PRPSAP2: variants seen among roughly 807,000 people sequenced by gnomAD.
PRPSAP2 encodes the protein phosphoribosyl pyrophosphate synthetase associated protein 2, also known as phosphoribosyl pyrophosphate synthase-associated protein 2.
In PRPSAP2, 24 loss-of-function variants were observed where a neutral mutation model predicts 40.6. The observed-to-expected ratio is 0.59, with a 90% CI of 0.43 to 0.83. PRPSAP2 has a LOEUF of 0.83. Among genes scored for constraint, PRPSAP2 ranks in the 40% least tolerant of loss-of-function variants. The probability of loss-of-function intolerance (pLI) is 0.00; values close to 1 mark genes in which losing one functional copy is unlikely to be tolerated. For missense variants in PRPSAP2, 292 were observed against 465.6 expected, an observed-to-expected ratio of 0.63 and a Z score of 3.43; for synonymous variants, 149 against 164.7, an observed-to-expected ratio of 0.90 and a Z score of 0.73.
intron 10 of PRPSAP2, among the ~76,000 whole-genome samples, 196 bp downstream of exon 10, chr17:18,924,180 C>T (rs2041845926): frequency 6.6e-6 from 1 of 152,272 alleles, no homozygotes; most frequent in South Asian, 2.1e-4. Flanking sequence ...GCTGGAATTA[C>T]AGGTGCCTGC....
intron 4 of PRPSAP2, among the ~76,000 whole-genome samples, chr17:18,872,327 T>C: frequency 6.6e-6 from 1 of 152,032 alleles, no homozygotes; most frequent in Non-Finnish European, 1.5e-5. Context: ...CTCAACTGTT[T>C]GTATATATAA....
At chr17:18,881,693 A>G (rs1402790802) in intron 6 of PRPSAP2, among the ~76,000 whole-genome samples, 2 of 151,656 alleles carry the variant, frequency 1.3e-5, no homozygotes, top group Admixed American at 6.6e-5. Context: ...GTGCGCCACC[A>G]TGCCTGGCTA....
At chr17:18,904,605 T>G (rs942421397) in intron 8 of PRPSAP2, 1 of 152,248 alleles carries the variant, frequency 6.6e-6, no homozygotes, top group Non-Finnish European at 1.5e-5. Context: ...ATCCTGAAGT[T>G]ATTGATGAAT....
chr17:18,861,066 G>A (rs1252579254), intron 1 of PRPSAP2, among the ~76,000 whole-genome samples: 1 of 152,100 alleles, frequency 6.6e-6, no homozygotes. Context: ...GCCCCATCTC[G>A]ATGATTATTA....
upstream of PRPSAP2, among the ~76,000 whole-genome samples, chr17:18,857,589 T>TA (rs1217410412): frequency 3.3e-4 from 50 of 150,206 alleles, no homozygotes; most frequent in African/African-American, 4.7e-4. Context: ...AATTTTTTTT[T>TA]TTTGTATTTT....
intron 5 of PRPSAP2, among the ~76,000 whole-genome samples, chr17:18,877,127 C>G (rs1345262222): frequency 6.6e-6 from 1 of 152,144 alleles, no homozygotes; most frequent in African/African-American, 2.4e-5. Flanking sequence ...ATTCTGGAAG[C>G]CAAGTGACCG....
chr17:18,929,213 C>T (rs564513913), intron 11 of PRPSAP2, among the ~76,000 whole-genome samples: 73 of 151,886 alleles, frequency 4.8e-4, no homozygotes, highest in Non-Finnish European at 6.6e-4. Context: ...AAAAATTAGC[C>T]GGGCGTGGTG....
chr17:18,897,759 G>T (rs978847103), intron 8 of PRPSAP2, among the ~76,000 whole-genome samples: 1 of 149,322 alleles, frequency 6.7e-6, no homozygotes, highest in Non-Finnish European at 1.5e-5. Context: ...CACCACGCCC[G>T]GCCCTCTATA....
intron 6 of PRPSAP2, among the ~76,000 whole-genome samples, chr17:18,881,838 A>G (rs2038770483): frequency 8.4e-6 from 1 of 118,630 alleles, no homozygotes; most frequent in African/African-American, 3.3e-5. Context: ...CGGCCATGAG[A>G]GCAATTTTTT....
At chr17:18,905,734 C>A (rs1032656848) in intron 8 of PRPSAP2, among the ~76,000 whole-genome samples, 1 of 152,132 alleles carries the variant, frequency 6.6e-6, no homozygotes, top group Non-Finnish European at 1.5e-5. Flanking sequence ...GCATGTGCCA[C>A]CACACCCGGC....
upstream of PRPSAP2, chr17:18,856,553 A>C (rs866039901): frequency 6.6e-6 from 1 of 152,214 alleles, no homozygotes; most frequent in South Asian, 2.1e-4. Flanking sequence ...CTAATTTACA[A>C]TTCGTTAGTT....
intron 8 of PRPSAP2, among the ~76,000 whole-genome samples, chr17:18,894,479 C>CTTTTTTTTTTTTTTTTT (rs1201159228): frequency 5.8e-5 from 7 of 120,598 alleles, no homozygotes; most frequent in Non-Finnish European, 1.0e-4. Flanking sequence ...TTTCAATAGT[C>CTTTTTTTTTTTTTTTTT]TTTTTTTTTT....
intron 1 of PRPSAP2, among the ~76,000 whole-genome samples, chr17:18,863,707 T>C (rs1417918430): frequency 2.6e-5 from 4 of 151,922 alleles, no homozygotes; most frequent in South Asian, 2.1e-4. Flanking sequence ...TAATCTTTTG[T>C]ATTTTTAGTG....
intron 9 of PRPSAP2, among the ~76,000 whole-genome samples, chr17:18,921,806 ATTGCC>A (rs1353069720): frequency 6.6e-6 from 1 of 152,188 alleles, no homozygotes; most frequent in East Asian, 1.9e-4. Flanking sequence ...TTTTTGTGAC[ATTGCC>A]TTAAAAGAAA....
intron 7 of PRPSAP2, 35 bp from the exon 8 acceptor site, chr17:18,889,787 A>G (rs1374776075): frequency 3.9e-6 from 6 of 1,531,864 alleles, no homozygotes; most frequent in Non-Finnish European, 5.3e-6. Context: ...CTTTTTGTTG[A>G]CATGCAGTAA....
intron 9 of PRPSAP2, chr17:18,917,584 A>ATTTTTTTTT: frequency 3.1e-5 from 1 of 32,364 alleles, no homozygotes; most frequent in Non-Finnish European, 5.4e-5. Context: ...TATTATTATT[A>ATTTTTTTTT]TTTTTTTTTT....
chr17:18,905,610 G>A lies in PRPSAP2; in HGVS notation c.585-5493G>A, dbSNP rs145105669. On this transcript the variant is annotated intron_variant, in intron 8 of 11. Transcript: ENST00000268835. ...TTTTTTTTTTTTGAGACGGAGTTTC[G>A]CTCTTGTTGCCCAGGCTAGAGTGCA... Among the ~76,000 whole-genome samples the A allele has an allele frequency of 3.9e-3, 584 of 149,064 alleles. 4 individuals carry two copies. The highest frequency in any genetic ancestry group is 0.014 in the African/African-American group (555 of 40,440).
chr17:18,892,745 A>ATTTATTTCT (rs57347460), intron 8 of PRPSAP2, among the ~76,000 whole-genome samples: 1 of 125,706 alleles, frequency 8.0e-6, no homozygotes. Context: ...TTATTTATTT[A>ATTTATTTCT]TTTTTTTGAG....
intron 7 of PRPSAP2, among the ~76,000 whole-genome samples, chr17:18,886,606 C>T (rs1182048423): frequency 6.6e-6 from 1 of 152,080 alleles, no homozygotes; most frequent in Non-Finnish European, 1.5e-5. Flanking sequence ...GATCTGCCCG[C>T]CTCAGCCTCC....
Sources: gnomAD v4.1 joint callset for allele counts (sites outside exome capture counted in the v4.1 genomes callset) on GRCh38, gnomAD v4.1.1 for gene constraint, MANE v1.5 for transcripts, NCBI Gene and HGNC (gene_info 2026-07-23, HGNC 2026-07-21) for gene names.